The following MSX2 variants were observed in gnomAD, a reference collection of about 807,000 sequenced individuals.
The protein encoded by MSX2 is homeobox protein MSX-2.
MSX2 carries 10 observed loss-of-function variants against 18.4 expected under a neutral mutation model. The ratio of observed to expected loss-of-function variants is 0.54; its 90% confidence interval spans 0.34 to 0.92. MSX2 has a LOEUF of 0.92. Ranked by LOEUF, MSX2 falls within the 40% of genes least tolerant of loss-of-function variation. The probability of loss-of-function intolerance (pLI) is 0.02; values close to 1 mark genes in which losing one functional copy is unlikely to be tolerated. For synonymous variants in MSX2, 170 were observed against 165.6 expected (o/e 1.03, Z -0.20); for missense variants, 339 against 364.0 (o/e 0.93, Z 0.56).
rs1267778848 is a variant in MSX2, at chr5:174,730,416, G to T, written c.*833G>T. On this transcript the variant is annotated 3_prime_UTR_variant, in exon 2 of 2. Coordinates refer to ENST00000239243, the MANE Select transcript of MSX2 (RefSeq NM_002449.5). ...ATTGGAGAGTAAAATGTTAAAACCT[G>T]TTGAGAGGAATTGATGGTTTCTGAG... 1 of 152,284 alleles carries T rather than the reference G, an allele frequency of 6.6e-6. No individual in the cohort carries two copies. Among genetic ancestry groups the T allele is most frequent in the Non-Finnish European group, 1.5e-5 (1 of 68,034 alleles). The allele number at this position is 152,284 out of a possible 1,614,324, so 9.4% of individuals were successfully genotyped here.
chr5:174,729,097 T>C, intron 1 of MSX2, 62 bp from the exon 2 acceptor site: 1 of 1,548,692 alleles, frequency 6.5e-7, no homozygotes, highest in South Asian at 1.1e-5. Context: ...GAGATGGGTT[T>C]TTTTTAGTAT....
chr5:174,730,580 G>GA lies in MSX2; in HGVS notation c.*1006dup, dbSNP rs397692104. ...CTTGAACAATTAGTAGATCCAGAAA[G>GA]AAAAAAAAATATGCTTTCTCTGTGT... is the stretch of plus-strand genomic sequence containing the variant. On this transcript the variant is annotated 3_prime_UTR_variant, in exon 2 of 2. Transcript: ENST00000239243. 150,449 of 151,720 alleles carry GA rather than the reference G, an allele frequency of 0.99. 74,604 individuals are homozygous for GA. The highest frequency in any genetic ancestry group is 1 in the Middle Eastern group (294 of 294). 9.4% of individuals were successfully genotyped at this position (151,720 alleles called of 1,614,324 possible).
chr5:174,729,615 T>C lies in MSX2; in HGVS notation c.*32T>C, dbSNP rs773320207. ...CCAGATCAATAGACTCCATGATGGA[T>C]GCTTGTTTCAAAGGGTTTCCTCTCC... On this transcript the variant is annotated 3_prime_UTR_variant, in exon 2 of 2. Coordinates refer to ENST00000239243, the MANE Select transcript of MSX2 (RefSeq NM_002449.5). The C allele has an allele frequency of 1.3e-6, 2 of 1,598,618 alleles. No individual in the cohort carries two copies. The highest frequency in any genetic ancestry group is 1.7e-6 in the Non-Finnish European group (2 of 1,175,384).
At chr5:174,725,755 A>G (rs901834971) in intron 1 of MSX2, among the ~76,000 whole-genome samples, 1 of 152,122 alleles carries the variant, frequency 6.6e-6, no homozygotes, top group Admixed American at 6.5e-5. Flanking sequence ...GGCTCACAGT[A>G]ATAATTAACC....
At position 174,729,668 on chromosome 5, in the gene MSX2, ACTC is replaced by A; in HGVS notation, c.*88_*90del. The A allele has an allele frequency of 1.4e-6, 2 of 1,409,540 alleles. No homozygotes were observed. Among genetic ancestry groups the A allele is most frequent in the Non-Finnish European group, 2.0e-6 (2 of 1,007,970 alleles). The allele number at this position is 1,409,540 out of a possible 1,614,324, so 87.3% of individuals were successfully genotyped here. On this transcript the variant is annotated 3_prime_UTR_variant, in exon 2 of 2. Transcript: ENST00000239243. ...CTCCACGAAGGCAGTACCAGCCAGT[ACTC>A]CTGCTCTGCTAACCCTGCGTGCACC...
Position 174,729,794 on chromosome 5 carries a change from A to T in MSX2, c.*211A>T, listed in dbSNP as rs1760887030. On this transcript the variant is annotated 3_prime_UTR_variant, in exon 2 of 2. Transcript: ENST00000239243. ...CTGTTTTCTTGGTGTAATCTTCCAG[A>T]TGCCCCCTTTTCCTTTCACAAAGAT... is the stretch of plus-strand genomic sequence containing the variant. 1 of 496,428 alleles carries T rather than the reference A, an allele frequency of 2.0e-6. No homozygotes were observed. 30.8% of individuals were successfully genotyped at this position (496,428 alleles called of 1,614,324 possible). A position where few individuals can be genotyped will look rare whatever the true frequency, so the allele number is the denominator to read the frequency against.
rs199856192 is a variant in MSX2, at chr5:174,729,568, G to A, written c.789G>A (p.Met263Ile). 16 of 1,611,290 alleles carry A rather than the reference G, an allele frequency of 9.9e-6. No individual in the cohort carries two copies. The Admixed American group carries it at 2.0e-4, about 20-fold the overall frequency. ...GLYATPVGYG[M>I]YHLS ...ATGCCACGCCAGTGGGATATGGCATGTACCACCTGTCCTAAGGAAGACCAG... is the reference window on the plus strand; with the variant it reads ...ATGCCACGCCAGTGGGATATGGCATATACCACCTGTCCTAAGGAAGACCAG... The change falls in exon 2 of 2, where the codon ATG becomes ATA. Residue 263 changes from methionine to isoleucine, a missense_variant. Met to Ile is a conservative substitution (Grantham distance 10). Coordinates refer to ENST00000239243, the MANE Select transcript of MSX2 (RefSeq NM_002449.5).
rs1055211653 is a variant in MSX2, at chr5:174,729,675, C to T, written c.*92C>T. On this transcript the variant is annotated 3_prime_UTR_variant, in exon 2 of 2. Transcript: ENST00000239243. Reference sequence around the variant, plus strand: ...AAGGCAGTACCAGCCAGTACTCCTGCTCTGCTAACCCTGCGTGCACCACCC... The same window carrying T: ...AAGGCAGTACCAGCCAGTACTCCTGTTCTGCTAACCCTGCGTGCACCACCC... The T allele has an allele frequency of 1.5e-6, 2 of 1,348,034 alleles. No homozygotes were observed. Among genetic ancestry groups the T allele is most frequent in the African/African-American group, 2.9e-5 (2 of 69,992 alleles). The allele number at this position is 1,348,034 out of a possible 1,614,324, so 83.5% of individuals were successfully genotyped here.
rs1760871886 is a variant in MSX2, at chr5:174,729,231, C to T, written c.452C>T (p.Thr151Ile). 3 of 1,614,116 alleles carry T rather than the reference C, an allele frequency of 1.9e-6. No individual in the cohort carries two copies. In the Admixed American group the frequency reaches 5.0e-5, roughly 27 times the overall value. The change falls in exon 2 of 2, where the codon ACA (threonine) becomes ATA (isoleucine). Residue 151 changes from threonine (T) to isoleucine (I), a missense_variant. By Grantham distance (89) the Thr-to-Ile change is moderately conservative (BLOSUM62 -1). This residue lies in a region of MSX2 where 128 missense variants were observed against 178.6 expected (regional missense o/e 0.72). Transcript: ENST00000239243. ...CGGAAGCCGCGCACGCCCTTTACCA[C>T]ATCCCAGCTCCTCGCCCTGGAGCGC... ...TNRKPRTPFT[T>I]SQLLALERKF... is the part of the protein sequence containing the mutation.
At chr5:174,725,952 A>G (rs891011160) in intron 1 of MSX2, among the ~76,000 whole-genome samples, 4 of 152,164 alleles carry the variant, frequency 2.6e-5, no homozygotes, top group Admixed American at 2.6e-4. Context: ...CTGATTGGCC[A>G]GGGGCACCTG....
At position 174,724,728 on chromosome 5, in the gene MSX2, A is replaced by G. The variant is rs1760737010; in HGVS notation, c.69A>G (p.Gly23=). 2.5e-6 allele frequency: 4 copies of G among 1,589,600 alleles called. No homozygotes were observed. The highest frequency in any genetic ancestry group is 1.8e-5 in the Admixed American group (1 of 56,568). ...AGGAGGGCCCAGCAGTGGTGGCCGGACCAGGCCCGGGGCCTGGGGGCGCCG... is the reference window on the plus strand; with the variant it reads ...AGGAGGGCCCAGCAGTGGTGGCCGGGCCAGGCCCGGGGCCTGGGGGCGCCG... ...PDEEGPAVVA[G]PGPGPGGAEG... is the part of the protein sequence containing the mutation. Residue 23 remains glycine, a synonymous_variant, in exon 1 of 2, where the codon GGA becomes GGG. Transcript: ENST00000239243.
At chr5:174,725,820 C>G (rs192892132) in intron 1 of MSX2, among the ~76,000 whole-genome samples, 1 of 152,276 alleles carries the variant, frequency 6.6e-6, no homozygotes, top group African/African-American at 2.4e-5. Context: ...CTCACCAGAT[C>G]GAGATCCTCA....
In MSX2 at chr5:174,729,672, C is replaced by A; in HGVS notation, c.*89C>A. 7.2e-7 allele frequency: 1 copy of A among 1,383,072 alleles called. No individual in the cohort carries two copies. The highest frequency in any genetic ancestry group is 1.0e-6 in the Non-Finnish European group (1 of 984,062). The allele number at this position is 1,383,072 out of a possible 1,614,324, so 85.7% of individuals were successfully genotyped here. A position where few individuals can be genotyped will look rare whatever the true frequency, so the allele number is the denominator to read the frequency against. ...ACGAAGGCAGTACCAGCCAGTACTC[C>A]TGCTCTGCTAACCCTGCGTGCACCA... is the stretch of plus-strand genomic sequence containing the variant. On this transcript the variant is annotated 3_prime_UTR_variant, in exon 2 of 2. Transcript: ENST00000239243.
chr5:174,726,527 C>G (rs1034529351), intron 1 of MSX2, among the ~76,000 whole-genome samples: 1 of 140,502 alleles, frequency 7.1e-6, no homozygotes, highest in African/African-American at 2.6e-5. Context: ...CAGCCGGCCT[C>G]TTAACAGATG....
At chr5:174,725,528 G>A (rs1340331259) in intron 1 of MSX2, among the ~76,000 whole-genome samples, 2 of 152,032 alleles carry the variant, frequency 1.3e-5, no homozygotes, top group African/African-American at 4.8e-5. Flanking sequence ...AGCTAACTGG[G>A]CTTAGCCAGA....
chr5:174,729,336 T>A lies in MSX2; in HGVS notation c.557T>A (p.Val186Asp). 6.2e-7 allele frequency: 1 copy of A among 1,613,978 alleles called. No homozygotes were observed. The highest frequency in any genetic ancestry group is 1.7e-5 in the Admixed American group (1 of 60,000). The change falls in exon 2 of 2, where the codon GTC becomes GAC. Residue 186 changes from valine to aspartate, a missense_variant. This residue lies in a region of MSX2 where 128 missense variants were observed against 178.6 expected (regional missense o/e 0.72). Coordinates refer to ENST00000239243, the MANE Select transcript of MSX2 (RefSeq NM_002449.5). Reference sequence around the variant, plus strand: ...TCTCTGAACCTCACAGAGACCCAGGTCAAAATCTGGTTCCAGAACCGAAGG... The same window carrying A: ...TCTCTGAACCTCACAGAGACCCAGGACAAAATCTGGTTCCAGAACCGAAGG... ...SSSLNLTETQ[V>D]KIWFQNRRAK... is the part of the protein sequence containing the mutation.
At chr5:174,727,052 T>TAA (rs988749246) in intron 1 of MSX2, among the ~76,000 whole-genome samples, 82 of 127,924 alleles carry the variant, frequency 6.4e-4, no homozygotes, top group African/African-American at 2.1e-3. Context: ...GAACTTAAAG[T>TAA]AAAAAAAAAC....
Position 174,725,011 on chromosome 5 carries a change from G to C in MSX2, c.352G>C (p.Glu118Gln). Residue 118 changes from glutamate (E) to glutamine (Q), a missense_variant, in exon 1 of 2, where the codon GAA becomes CAA. Transcript: ENST00000239243. ...AGAAGATGGAGCGGCGTGGATGCAG[G>C]AACCCGGCCGATATTCGCCGCCGCC... ...NSEDGAAWMQ[E>Q]PGRYSPPPRH... 1 of 1,610,706 alleles carries C rather than the reference G, an allele frequency of 6.2e-7. No homozygotes were observed. Among genetic ancestry groups the C allele is most frequent in the Non-Finnish European group, 8.5e-7 (1 of 1,179,510 alleles).
In MSX2 at chr5:174,724,795, C is replaced by T. The variant is rs1760740694; in HGVS notation, c.136C>T (p.Pro46Ser). The stretch of plus-strand genomic sequence containing the variant: ...GCGCCGCGTCAAGGTCTCCAGCCTG[C>T]CCTTCAGCGTGGAGGCGCTCATGTC... ...EERRVKVSSLPFSVEALMSDK... is the reference protein window; with the variant it reads ...EERRVKVSSLSFSVEALMSDK... Residue 46 changes from proline to serine, a missense_variant, in exon 1 of 2, where the codon CCC (proline) becomes TCC (serine). Transcript: ENST00000239243. 1.9e-6 allele frequency: 3 copies of T among 1,553,654 alleles called. No homozygotes were observed. The highest frequency in any genetic ancestry group is 2.6e-6 in the Non-Finnish European group (3 of 1,149,148).
Sources: gnomAD v4.1 joint callset for allele counts (sites outside exome capture counted in the v4.1 genomes callset) on GRCh38, gnomAD v4.1.1 for gene constraint, gnomAD v4.1.1 regional missense constraint, MANE v1.5 for transcripts, NCBI Gene and HGNC (gene_info 2026-07-23, HGNC 2026-07-21) for gene names.